CAPN5: variants seen among roughly 807,000 people sequenced by gnomAD.
The protein encoded by CAPN5 is calpain 5, also known as calpain-5.
A neutral mutation model predicts 73.0 loss-of-function variants in CAPN5; 54 were observed. The ratio of observed to expected loss-of-function variants is 0.74; its 90% confidence interval spans 0.59 to 0.93. The LOEUF is 0.93. Among genes scored for constraint, CAPN5 ranks in the 40% least tolerant of loss-of-function variants. CAPN5 has a pLI of 0.00. For missense variants in CAPN5, 785 were observed against 882.9 expected (o/e 0.89, Z 1.41); for synonymous variants, 335 against 356.9 (o/e 0.94, Z 0.69).
chr11:77,121,665 G>A (rs782186570), intron 10 of CAPN5, among the ~76,000 whole-genome samples: 5 of 152,222 alleles, frequency 3.3e-5, no homozygotes, highest in South Asian at 2.1e-4. Context: ...CACCCATAAC[G>A]CCAGCAGGGG....
At chr11:77,068,102 A>T (rs1555032449) in intron 1 of CAPN5, among the ~76,000 whole-genome samples, 2 of 152,166 alleles carry the variant, frequency 1.3e-5, no homozygotes, top group Non-Finnish European at 2.9e-5. Context: ...CAGCCAACTC[A>T]ATGAGTCTGA....
intron 3 of CAPN5, among the ~76,000 whole-genome samples, chr11:77,102,449 G>A (rs1407951125): frequency 6.6e-6 from 1 of 152,128 alleles, no homozygotes; most frequent in Admixed American, 6.5e-5. Flanking sequence ...GTGAGGAGTG[G>A]TCCCCACCAC....
At chr11:77,079,170 A>AT (rs1218177329) in intron 1 of CAPN5, among the ~76,000 whole-genome samples, 2 of 151,406 alleles carry the variant, frequency 1.3e-5, no homozygotes, top group Non-Finnish European at 2.9e-5. Context: ...TATTATTATT[A>AT]TTTTTCCCTA....
At chr11:77,088,238 T>C (rs1327480670) in intron 2 of CAPN5, among the ~76,000 whole-genome samples, 1 of 151,744 alleles carries the variant, frequency 6.6e-6, no homozygotes, top group African/African-American at 2.4e-5. Flanking sequence ...ATTCCCCTAG[T>C]GCAGTCTCGG....
chr11:77,082,499 C>A (rs1248713808), intron 1 of CAPN5, among the ~76,000 whole-genome samples: 2 of 152,176 alleles, frequency 1.3e-5, no homozygotes, highest in Non-Finnish European at 2.9e-5. Flanking sequence ...GTGTTGGCCC[C>A]ATAGATACAG....
chr11:77,079,813 GTC>G (rs1491265924), intron 1 of CAPN5, among the ~76,000 whole-genome samples: 3 of 151,782 alleles, frequency 2.0e-5, no homozygotes, highest in Non-Finnish European at 2.9e-5. Flanking sequence ...GTGTGTGTGT[GTC>G]TGTGTGTGTG....
rs1555035238 is a variant in CAPN5 at position 77,084,998 on chromosome 11, T to C, written c.112T>C (p.Ser38Pro). ...EDPLFPATDDSLYYKGTPGPA... is the reference protein window; with the variant it reads ...EDPLFPATDDPLYYKGTPGPA... ...CCCCCTCTTCCCCGCCACTGACGAC[T>C]CACTCTACTATAAGGGCACGCCGGG... The change falls in exon 2 of 13, where the codon TCA (serine) becomes CCA (proline). Residue 38 changes from serine to proline, a missense_variant. Transcript: ENST00000648180. 4 of 1,613,852 alleles carry C rather than the reference T, an allele frequency of 2.5e-6. No homozygotes were observed. In the African/African-American group the frequency reaches 4.0e-5, roughly 16 times the overall value.
In CAPN5 at chr11:77,084,991, T is replaced by C; in HGVS notation, c.105T>C (p.Thr35=). The C allele has an allele frequency of 6.2e-7, 1 of 1,613,882 alleles. No homozygotes were observed. Among genetic ancestry groups the C allele is most frequent in the Non-Finnish European group, 8.5e-7 (1 of 1,180,038 alleles). ...VLFEDPLFPA[T]DDSLYYKGTP... Reference sequence around the variant, plus strand: ...TCGAGGACCCCCTCTTCCCCGCCACTGACGACTCACTCTACTATAAGGGCA... The same window carrying C: ...TCGAGGACCCCCTCTTCCCCGCCACCGACGACTCACTCTACTATAAGGGCA... Residue 35 remains threonine (T), a synonymous_variant, in exon 2 of 13, where the codon ACT becomes ACC. Transcript: ENST00000648180.
chr11:77,102,195 A>G (rs1950292279), intron 3 of CAPN5, among the ~76,000 whole-genome samples: 1 of 152,156 alleles, frequency 6.6e-6, no homozygotes, highest in African/African-American at 2.4e-5. Context: ...GGTCTGGGTG[A>G]GAGATACGGT....
At chr11:77,086,734 C>T (rs1477738068) in intron 2 of CAPN5, among the ~76,000 whole-genome samples, 4 of 152,230 alleles carry the variant, frequency 2.6e-5, no homozygotes, top group African/African-American at 9.6e-5. Flanking sequence ...CTGGCTACCC[C>T]CGTCCTGACT....
chr11:77,102,949 A>T, intron 3 of CAPN5: 1 of 1,613,152 alleles, frequency 6.2e-7, no homozygotes, highest in South Asian at 1.1e-5. Context: ...CAGCGCGGGG[A>T]GAAGCGCCAG....
At chr11:77,084,480 G>A (rs1244522141) in intron 1 of CAPN5, among the ~76,000 whole-genome samples, 1 of 152,196 alleles carries the variant, frequency 6.6e-6, no homozygotes, top group Non-Finnish European at 1.5e-5. Context: ...CTGCTTTCCT[G>A]TGGGAGACAC....
At chr11:77,073,035 C>T in intron 1 of CAPN5, 1 of 1,273,044 alleles carries the variant, frequency 7.9e-7, no homozygotes, top group African/African-American at 1.5e-5. Context: ...GCCCCCACCC[C>T]ACCCCGGGTG....
intron 1 of CAPN5, among the ~76,000 whole-genome samples, chr11:77,083,525 C>T (rs1186807931): frequency 6.6e-6 from 1 of 152,220 alleles, no homozygotes; most frequent in Non-Finnish European, 1.5e-5. Flanking sequence ...CCTCACCTCA[C>T]TGAGCCGCAG....
At chr11:77,106,930 C>T (rs1215289730) in intron 3 of CAPN5, among the ~76,000 whole-genome samples, 9 of 152,238 alleles carry the variant, frequency 5.9e-5, no homozygotes, top group African/African-American at 2.2e-4. Context: ...CCATCGCCAC[C>T]TCAGAGCGGC....
At chr11:77,106,260 A>G (rs1381311062) in intron 3 of CAPN5, among the ~76,000 whole-genome samples, 4 of 38,728 alleles carry the variant, frequency 1.0e-4, no homozygotes, top group African/African-American at 4.1e-4. Context: ...CCAGCCCCGC[A>G]CCCAACCCCC....
chr11:77,094,933 A>C (rs1950191886), intron 3 of CAPN5, among the ~76,000 whole-genome samples: 1 of 152,182 alleles, frequency 6.6e-6, no homozygotes, highest in African/African-American at 2.4e-5. Context: ...TGGCCATCAG[A>C]GGGAGCAGTG....
At chr11:77,102,887 C>G in intron 3 of CAPN5, 1 of 1,611,884 alleles carries the variant, frequency 6.2e-7, no homozygotes, top group South Asian at 1.1e-5. Flanking sequence ...TGCCGCTGGT[C>G]CTGGACCAGG....
At chr11:77,109,874 C>A (rs1191984497) in intron 3 of CAPN5, among the ~76,000 whole-genome samples, 2 of 152,178 alleles carry the variant, frequency 1.3e-5, no homozygotes, top group South Asian at 2.1e-4. Context: ...TCGAGTTTGA[C>A]TAATGATCCT....
Sources: allele counts gnomAD v4.1 joint callset (sites outside exome capture counted in the v4.1 genomes callset), GRCh38; gene constraint gnomAD v4.1.1; transcripts MANE v1.5; gene names NCBI Gene and HGNC (gene_info 2026-07-23, HGNC 2026-07-21).